SKIC2: variants seen among roughly 807,000 people sequenced by gnomAD.
SKIC2 encodes SKI2 subunit of superkiller complex, also known as superkiller complex protein 2.
At chr6:31,969,310 C>A in the SKIC2 span, 1 of 1,614,086 alleles carries the variant, frequency 6.2e-7, no homozygotes. This position sits in a 1 kb window ranked among gnomAD's most constrained non-coding sequence, Gnocchi z 6.1. Flanking sequence ...TGTGGCCAAG[C>A]GGATTGGTGA....
the SKIC2 span, chr6:31,969,635 G>A: frequency 5.0e-6 from 8 of 1,612,280 alleles, no homozygotes; most frequent in Non-Finnish European, 6.8e-6. The surrounding 1 kb of genome is among the most constrained non-coding windows in gnomAD (Gnocchi z 6.1). Context: ...AGGAGAGCCT[G>A]TGCTGGGTGC....
the SKIC2 span, chr6:31,964,334 C>T: frequency 6.2e-7 from 1 of 1,612,410 alleles, no homozygotes; most frequent in Non-Finnish European, 8.5e-7. This position sits in a 1 kb window ranked among gnomAD's most constrained non-coding sequence, Gnocchi z 5.0. Flanking sequence ...CAGCCGTGGC[C>T]TGGTCAAGGT....
chr6:31,964,227 C>T, the SKIC2 span: 1 of 1,612,628 alleles, frequency 6.2e-7, no homozygotes, highest in South Asian at 1.1e-5. This position sits in a 1 kb window ranked among gnomAD's most constrained non-coding sequence, Gnocchi z 5.0. Context: ...CTCCTCCCAC[C>T]AAAGGTCCTG....
chr6:31,961,637 G>A, the SKIC2 span: 27 of 1,612,812 alleles, frequency 1.7e-5, no homozygotes, highest in South Asian at 6.6e-5. Flanking sequence ...CTCCCCTGTT[G>A]GTGATTTCTA....
the SKIC2 span, chr6:31,968,505 T>C: frequency 6.2e-7 from 1 of 1,612,900 alleles, no homozygotes; most frequent in South Asian, 1.1e-5. This position sits in a 1 kb window ranked among gnomAD's most constrained non-coding sequence, Gnocchi z 6.1. Context: ...TCCAGGGGGC[T>C]CAGTGTGTAC....
chr6:31,960,231 G>A, the SKIC2 span: 1 of 1,612,910 alleles, frequency 6.2e-7, no homozygotes, highest in Non-Finnish European at 8.5e-7. Context: ...AAATGGCAGA[G>A]GAAGACGGAT....
the SKIC2 span, chr6:31,959,524 A>C: frequency 1.4e-6 from 1 of 730,282 alleles, no homozygotes; most frequent in South Asian, 1.6e-5. Flanking sequence ...CCCAGCCTGA[A>C]GGGGTGCTGG....
At chr6:31,966,557 A>G in the SKIC2 span, 1 of 718,680 alleles carries the variant, frequency 1.4e-6, no homozygotes. The surrounding 1 kb of genome is among the most constrained non-coding windows in gnomAD (Gnocchi z 5.9). Flanking sequence ...TTGCTCCCTT[A>G]TGTTACAGAA....
chr6:31,966,892 A>G, the SKIC2 span: 2 of 1,613,814 alleles, frequency 1.2e-6, no homozygotes, highest in Non-Finnish European at 1.7e-6. This position sits in a 1 kb window ranked among gnomAD's most constrained non-coding sequence, Gnocchi z 5.9. Context: ...AGGTTGGCCA[A>G]AGACAGGCTG....
At chr6:31,960,191 G>T in the SKIC2 span, 6 of 1,609,450 alleles carry the variant, frequency 3.7e-6, no homozygotes, top group Non-Finnish European at 4.2e-6. Context: ...GAAGAAAGAA[G>T]ACCCAAAAGT....
the SKIC2 span, chr6:31,967,895 G>A: frequency 6.2e-7 from 1 of 1,612,748 alleles, no homozygotes; most frequent in Non-Finnish European, 8.5e-7. This position sits in a 1 kb window ranked among gnomAD's most constrained non-coding sequence, Gnocchi z 4.9. Flanking sequence ...TTTTCTGCCA[G>A]CAGTATAAGC....
chr6:31,962,397 G>A, the SKIC2 span: 1 of 1,611,096 alleles, frequency 6.2e-7, no homozygotes. The surrounding 1 kb of genome is among the most constrained non-coding windows in gnomAD (Gnocchi z 5.0). Flanking sequence ...TGCGGGCCAT[G>A]AGTCTGCGGA....
At chr6:31,966,164 C>T in the SKIC2 span, 3 of 599,296 alleles carry the variant, frequency 5.0e-6, no homozygotes, top group Non-Finnish European at 8.6e-6. The surrounding 1 kb of genome is among the most constrained non-coding windows in gnomAD (Gnocchi z 5.9). Flanking sequence ...GGCACAATCT[C>T]GGGTCACCGC....
the SKIC2 span, chr6:31,959,528 G>T: frequency 1.4e-6 from 1 of 705,848 alleles, no homozygotes; most frequent in East Asian, 2.5e-5. Flanking sequence ...GCCTGAAGGG[G>T]TGCTGGACAG....
chr6:31,962,291 A>T, the SKIC2 span: 1 of 989,344 alleles, frequency 1.0e-6, no homozygotes, highest in Non-Finnish European at 1.6e-6. The surrounding 1 kb of genome is among the most constrained non-coding windows in gnomAD (Gnocchi z 5.0). Context: ...CTGGGGTTAT[A>T]TCATGCAGGA....
At chr6:31,962,773 A>T in the SKIC2 span, 1 of 1,611,854 alleles carries the variant, frequency 6.2e-7, no homozygotes, top group Non-Finnish European at 8.5e-7. The surrounding 1 kb of genome is among the most constrained non-coding windows in gnomAD (Gnocchi z 5.0). Context: ...ATCTTTGATG[A>T]GGTTCACTAT....
At chr6:31,967,360 T>A in the SKIC2 span, 1 of 1,611,894 alleles carries the variant, frequency 6.2e-7, no homozygotes. The surrounding 1 kb of genome is among the most constrained non-coding windows in gnomAD (Gnocchi z 4.9). Context: ...TCACAACGCA[T>A]TGGGAGTGAT....
the SKIC2 span, chr6:31,966,078 T>C: frequency 9.7e-7 from 1 of 1,030,586 alleles, no homozygotes; most frequent in Non-Finnish European, 1.4e-6. The surrounding 1 kb of genome is among the most constrained non-coding windows in gnomAD (Gnocchi z 5.9). Context: ...TGTCTTCGAT[T>C]CTCCTCTCTT....
chr6:31,960,736 G>T, the SKIC2 span: 3 of 1,558,690 alleles, frequency 1.9e-6, no homozygotes, highest in South Asian at 3.7e-5. Flanking sequence ...TAGACTTTGA[G>T]AAAGGTAAGG....
Sources: gnomAD v4.1 joint callset for allele counts on GRCh38, gnomAD v4.1.1 for gene constraint, Gnocchi (gnomAD v3.1) non-coding constraint, MANE v1.5 for transcripts, NCBI Gene and HGNC (gene_info 2026-07-23, HGNC 2026-07-21) for gene names.